CDKAL1: variants seen among roughly 807,000 people sequenced by gnomAD.
The protein encoded by CDKAL1 is CDKAL1 threonylcarbamoyladenosine tRNA methylthiotransferase.
Under a neutral mutation model 68.2 loss-of-function variants are expected in CDKAL1, and 32 were observed. The ratio of observed to expected loss-of-function variants is 0.47; its 90% CI spans 0.35 to 0.63. The LOEUF is 0.63. Among genes scored for constraint, CDKAL1 ranks in the 30% least tolerant of loss-of-function variants. The probability of loss-of-function intolerance (pLI) is 0.00; values close to 1 mark genes in which losing one functional copy is unlikely to be tolerated. For missense variants in CDKAL1, 606 were observed against 696.7 expected (o/e 0.87, Z 1.47); for synonymous variants, 234 against 244.3 (o/e 0.96, Z 0.39).
intron 15 of CDKAL1, among the ~76,000 whole-genome samples, chr6:21,211,121 A>T (rs772534953): frequency 1.3e-5 from 2 of 152,216 alleles, no homozygotes; most frequent in African/African-American, 2.4e-5. Flanking sequence ...GACAACTTCT[A>T]CTACAGAGAG....
intron 15 of CDKAL1, among the ~76,000 whole-genome samples, chr6:21,217,336 C>A (rs945197876): frequency 1.3e-5 from 2 of 150,246 alleles, no homozygotes; most frequent in Admixed American, 6.6e-5. Context: ...CACTGTTGCC[C>A]AGGCTGGAGT....
At chr6:20,817,022 T>C (rs1330246394) in intron 8 of CDKAL1, among the ~76,000 whole-genome samples, 3 of 152,182 alleles carry the variant, frequency 2.0e-5, no homozygotes, top group Admixed American at 2.0e-4. Flanking sequence ...TTGTGTGTTA[T>C]GCACTGCGCT....
At chr6:20,903,741 G>T (rs1234145079) in intron 9 of CDKAL1, among the ~76,000 whole-genome samples, 1 of 152,184 alleles carries the variant, frequency 6.6e-6, no homozygotes, top group Non-Finnish European at 1.5e-5. Flanking sequence ...GGCTTGCTTT[G>T]TTTTTTCATA....
chr6:20,806,279 C>T (rs1776568556), intron 8 of CDKAL1, among the ~76,000 whole-genome samples: 1 of 152,114 alleles, frequency 6.6e-6, no homozygotes. Flanking sequence ...GGATAATGTC[C>T]TGCAACTCCA....
intron 11 of CDKAL1, among the ~76,000 whole-genome samples, chr6:21,013,830 C>T (rs1768151892): frequency 6.6e-6 from 1 of 151,956 alleles, no homozygotes; most frequent in African/African-American, 2.4e-5. Flanking sequence ...TTTGGGCTGT[C>T]AATGACCAAA....
At chr6:20,589,026 A>G (rs1214772928) in intron 4 of CDKAL1, among the ~76,000 whole-genome samples, 2 of 152,188 alleles carry the variant, frequency 1.3e-5, no homozygotes, top group Non-Finnish European at 2.9e-5. Context: ...AAATATCACT[A>G]CAAAAAGGAG....
At chr6:20,578,752 G>C (rs2127686712) in intron 4 of CDKAL1, among the ~76,000 whole-genome samples, 1 of 152,314 alleles carries the variant, frequency 6.6e-6, no homozygotes, top group Admixed American at 6.5e-5. Flanking sequence ...TTCGGTGAAA[G>C]CATTGACATC....
chr6:20,645,919 T>C (rs187717467), intron 4 of CDKAL1, among the ~76,000 whole-genome samples: 7 of 152,054 alleles, frequency 4.6e-5, no homozygotes, highest in African/African-American at 1.7e-4. Context: ...GCAACACATC[T>C]TGTCCCACTG....
At chr6:20,725,804 A>AAAAAAAG (rs1554185827) in intron 5 of CDKAL1, among the ~76,000 whole-genome samples, 4 of 148,820 alleles carry the variant, frequency 2.7e-5, no homozygotes, top group African/African-American at 2.5e-5. Context: ...AAAAAAAAAA[A>AAAAAAAG]GAAAAAGTTA....
At chr6:21,198,418 GA>G (rs1021910829) in intron 14 of CDKAL1, among the ~76,000 whole-genome samples, 1 of 152,164 alleles carries the variant, frequency 6.6e-6, no homozygotes, top group African/African-American at 2.4e-5. Flanking sequence ...AAGCAGGGGG[GA>G]AAGTCCTGCT....
chr6:20,638,883 C>T (rs764187316), intron 4 of CDKAL1, among the ~76,000 whole-genome samples: 11 of 152,114 alleles, frequency 7.2e-5, no homozygotes, highest in Non-Finnish European at 1.5e-4. Flanking sequence ...CCGCCTGCCT[C>T]GGCCTCCTAA....
In CDKAL1 at chr6:21,198,035, A is replaced by G. The variant is rs781599697; in HGVS notation, c.1314A>G (p.Gln438=). The G allele has an allele frequency of 3.1e-6, 5 of 1,602,802 alleles. No individual in the cohort carries two copies. The highest frequency in any genetic ancestry group is 4.3e-6 in the Non-Finnish European group (5 of 1,173,394). The change falls in exon 14 of 16, where the codon CAA becomes CAG. Residue 438 remains glutamine, a synonymous_variant. Coordinates refer to ENST00000274695, the MANE Select transcript of CDKAL1 (RefSeq NM_017774.3). ...TCTCTCCACAGATTGGTGAAAGACA[A>G]CAAGTGTTAGTAACAGAAGAATCTT... ...SPYDHKIGER[Q]QVLVTEESFD...
intron 10 of CDKAL1, among the ~76,000 whole-genome samples, chr6:20,957,008 T>A (rs1196132898): frequency 9.7e-5 from 11 of 113,824 alleles, no homozygotes; most frequent in Admixed American, 3.0e-4. Context: ...TGATTCTCTG[T>A]AAAAAAAAAA....
intron 4 of CDKAL1, among the ~76,000 whole-genome samples, chr6:20,623,597 C>T (rs1288264573): frequency 6.6e-6 from 1 of 152,002 alleles, no homozygotes; most frequent in African/African-American, 2.4e-5. Flanking sequence ...TTATGCAGTG[C>T]AAATGCTTGC....
chr6:20,824,072 C>G (rs1777399620), intron 8 of CDKAL1, among the ~76,000 whole-genome samples: 1 of 152,026 alleles, frequency 6.6e-6, no homozygotes. Flanking sequence ...CCCTTAAAGT[C>G]TACTTTCAAG....
chr6:21,097,507 C>T (rs1011511375), intron 12 of CDKAL1, among the ~76,000 whole-genome samples: 2 of 151,204 alleles, frequency 1.3e-5, no homozygotes, highest in Non-Finnish European at 3.0e-5. Context: ...AAAAAAAAAA[C>T]CTAGTGCCTA....
chr6:20,625,761 C>T (rs950329302), intron 4 of CDKAL1, among the ~76,000 whole-genome samples: 2 of 151,984 alleles, frequency 1.3e-5, no homozygotes, highest in Non-Finnish European at 2.9e-5. Context: ...ACAGATTTTG[C>T]TGTAGTAAAG....
intron 8 of CDKAL1, among the ~76,000 whole-genome samples, chr6:20,808,424 C>T (rs1342621622): frequency 6.6e-6 from 1 of 151,984 alleles, no homozygotes; most frequent in Non-Finnish European, 1.5e-5. Flanking sequence ...CTATCTGTTT[C>T]TTTAAAGAAA....
chr6:20,876,330 G>T (rs1401991301), intron 9 of CDKAL1, among the ~76,000 whole-genome samples: 1 of 152,172 alleles, frequency 6.6e-6, no homozygotes, highest in Non-Finnish European at 1.5e-5. Context: ...TAAAGATGCC[G>T]TCAGTACAAA....
Sources: gnomAD v4.1 joint callset for allele counts (sites outside exome capture counted in the v4.1 genomes callset) on GRCh38, gnomAD v4.1.1 for gene constraint, MANE v1.5 for transcripts, NCBI Gene and HGNC (gene_info 2026-07-23, HGNC 2026-07-21) for gene names.